The following RBFOX1 variants were observed in gnomAD, a reference collection of about 807,000 sequenced individuals.
RBFOX1 encodes the protein RNA binding fox-1 homolog 1.
In RBFOX1, 8 loss-of-function variants were observed where a neutral mutation model predicts 57.7. The observed-to-expected ratio is 0.14, with a 90% CI of 0.08 to 0.25. The LOEUF (loss-of-function observed/expected upper bound fraction) is 0.25, where lower values mean the gene tolerates loss of function less well. Ranked by LOEUF, RBFOX1 falls within the 10% of genes least tolerant of loss-of-function variation. RBFOX1 has a pLI of 1.00. For synonymous variants in RBFOX1, 326 were observed against 222.4 expected, an observed-to-expected ratio of 1.47 and a Z score of -4.15; for missense variants, 611 against 548.5, an observed-to-expected ratio of 1.11 and a Z score of -1.14.
chr16:7,460,389 A>ATATATATATATATATATGTG lies in RBFOX1; in HGVS notation c.28-57757_28-57756insATATATATATATATATGTGT. Among the ~76,000 whole-genome samples, 309 of 87,116 alleles carry ATATATATATATATATATGTG rather than the reference A, an allele frequency of 3.5e-3. 9 individuals are homozygous for ATATATATATATATATATGTG. The highest frequency in any genetic ancestry group is 0.03 in the East Asian group (70 of 2,330). The allele number at this position is 87,116 out of a possible 152,430, so 57.2% of individuals were successfully genotyped here. On this transcript the variant is annotated intron_variant, in intron 4 of 15. Coordinates refer to ENST00000550418, the MANE Select transcript of RBFOX1 (RefSeq NM_018723.4). ...TAGCAAAATATATATATATATATAT[A>ATATATATATATATATATGTG]TGTGTGTGTGTGTGTGTGTGTGTGT...
intron 1 of RBFOX1, among the ~76,000 whole-genome samples, chr16:6,268,211 C>G (rs757032529): frequency 1.3e-5 from 2 of 152,134 alleles, no homozygotes; most frequent in Non-Finnish European, 2.9e-5. Context: ...CCAATTTGTT[C>G]AAATGCTTTT....
chr16:5,597,007 A>T (rs1011039223), intron 2 of RBFOX1, among the ~76,000 whole-genome samples: 1 of 152,180 alleles, frequency 6.6e-6, no homozygotes, highest in East Asian at 1.9e-4. Context: ...ACCAATGTCT[A>T]CTAGAAAACT....
chr16:7,070,783 C>A (rs528246152), intron 4 of RBFOX1, among the ~76,000 whole-genome samples: 1 of 152,152 alleles, frequency 6.6e-6, no homozygotes, highest in East Asian at 1.9e-4. Context: ...GTTTAGCCAT[C>A]CCCCTTCCCC....
At chr16:6,484,449 G>A (rs1000752670) in intron 2 of RBFOX1, among the ~76,000 whole-genome samples, 1 of 151,760 alleles carries the variant, frequency 6.6e-6, no homozygotes, top group Non-Finnish European at 1.5e-5. Context: ...AATAAGCTCT[G>A]TACCATTTTA....
At position 6,903,441 on chromosome 16, in the gene RBFOX1, C is replaced by T. The variant is rs185355832; in HGVS notation, c.-15-148616C>T. ...TTGACGAAAGATCCGTGAAGTCTGC[C>T]ATCATTGCTTATCTGTCTTTGAATT... On this transcript the variant is annotated intron_variant, in intron 3 of 15. Coordinates refer to ENST00000550418, the MANE Select transcript of RBFOX1 (RefSeq NM_018723.4). Among the ~76,000 whole-genome samples the T allele has an allele frequency of 3.9e-5, 6 of 152,272 alleles. No individual in the cohort carries two copies. The East Asian group carries it at 9.7e-4, about 25-fold the overall frequency.
intron 2 of RBFOX1, among the ~76,000 whole-genome samples, chr16:6,508,157 A>G (rs2096157334): frequency 1.3e-5 from 2 of 152,204 alleles, no homozygotes; most frequent in Admixed American, 1.3e-4. Context: ...AGTGAGAGCT[A>G]AATGATGAGA....
At chr16:5,851,975 T>C (rs1194735154) in intron 3 of RBFOX1, among the ~76,000 whole-genome samples, 1 of 152,132 alleles carries the variant, frequency 6.6e-6, no homozygotes, top group Non-Finnish European at 1.5e-5. Flanking sequence ...TTACGAGCCA[T>C]ATGAGTTAGG....
intron 1 of RBFOX1, among the ~76,000 whole-genome samples, chr16:5,327,573 G>C (rs566233348): frequency 1.3e-5 from 2 of 151,976 alleles, no homozygotes; most frequent in African/African-American, 4.8e-5. Flanking sequence ...AGAGAGAAAC[G>C]CCCCAATCTG....
At chr16:5,852,638 T>C (rs564249875) in intron 3 of RBFOX1, among the ~76,000 whole-genome samples, 1 of 151,482 alleles carries the variant, frequency 6.6e-6, no homozygotes, top group Non-Finnish European at 1.5e-5. Context: ...TGGCTAGGGG[T>C]GGAGGGGGGT....
At chr16:7,087,719 C>A (rs1240325133) in intron 4 of RBFOX1, among the ~76,000 whole-genome samples, 1 of 152,096 alleles carries the variant, frequency 6.6e-6, no homozygotes, top group Non-Finnish European at 1.5e-5. Context: ...AGAAGAGGGT[C>A]TCTAAGGACT....
chr16:6,413,896 T>C (rs1001526334), intron 2 of RBFOX1, among the ~76,000 whole-genome samples: 3 of 152,190 alleles, frequency 2.0e-5, no homozygotes, highest in South Asian at 2.1e-4. Context: ...AGAGGAACTC[T>C]TAGCGAGGTT....
At chr16:5,557,417 C>G (rs1305980016) in intron 2 of RBFOX1, among the ~76,000 whole-genome samples, 1 of 151,642 alleles carries the variant, frequency 6.6e-6, no homozygotes, top group African/African-American at 2.4e-5. Flanking sequence ...CCATATGAAG[C>G]TTATAGAGAG....
In RBFOX1 at chr16:5,906,063, C is replaced by G. The variant is rs140311708; in HGVS notation, c.351+38728C>G. On this transcript the variant is annotated intron_variant, in intron 4 of 19. Coordinates refer to the RBFOX1 transcript ENST00000641259. ...GGCTGTGAGTGGGGGTAGTCGCTGCCCATGTGCCCTGCTTGTTATGTTCTT... is the reference window on the plus strand; with the variant it reads ...GGCTGTGAGTGGGGGTAGTCGCTGCGCATGTGCCCTGCTTGTTATGTTCTT... Among the ~76,000 whole-genome samples, 79 of 152,174 alleles carry G rather than the reference C, an allele frequency of 5.2e-4. 1 individual carries two copies. Among genetic ancestry groups the G allele is most frequent in the Non-Finnish European group, 1.1e-3 (73 of 68,012 alleles).
At chr16:6,041,041 A>G (rs1340457530) in intron 1 of RBFOX1, among the ~76,000 whole-genome samples, 1 of 152,172 alleles carries the variant, frequency 6.6e-6, no homozygotes, top group Non-Finnish European at 1.5e-5. Flanking sequence ...AATGTTACCC[A>G]TCCACCATTA....
At position 5,612,707 on chromosome 16, in the gene RBFOX1, T is replaced by C. The variant is rs1042575956; in HGVS notation, c.318+13746T>C. 1.3e-5 allele frequency among the ~76,000 whole-genome samples: 2 copies of C among 151,182 alleles called. 1 individual carries two copies. The highest frequency in any genetic ancestry group is 1.3e-4 in the Admixed American group (2 of 15,192). On this transcript the variant is annotated intron_variant, in intron 3 of 19. Coordinates refer to the RBFOX1 transcript ENST00000641259. Reference sequence around the variant, plus strand: ...TGCAAAGGCCCTGTGGCCAGAGGAGTTTTAGGAACTGCTAAAAGATAGCCA... The same window carrying C: ...TGCAAAGGCCCTGTGGCCAGAGGAGCTTTAGGAACTGCTAAAAGATAGCCA...
At chr16:6,454,651 C>T (rs985935938) in intron 2 of RBFOX1, among the ~76,000 whole-genome samples, 1 of 152,092 alleles carries the variant, frequency 6.6e-6, no homozygotes, top group South Asian at 2.1e-4. Flanking sequence ...ATACTTAAAA[C>T]CAGCACTTCA....
At chr16:7,515,260 GT>G (rs34629697) in intron 4 of RBFOX1, among the ~76,000 whole-genome samples, 120,805 of 148,102 alleles carry the variant, frequency 0.82, 49,234 homozygotes, top group East Asian at 0.83. Context: ...AACAGCAGAA[GT>G]TTTTTTTTTT....
intron 3 of RBFOX1, among the ~76,000 whole-genome samples, chr16:6,738,798 A>T (rs1438837329): frequency 6.6e-6 from 1 of 152,192 alleles, no homozygotes; most frequent in Non-Finnish European, 1.5e-5. Flanking sequence ...CTCTGACAAC[A>T]GTAGAATCAA....
At chr16:6,053,738 C>T (rs2095581023) in intron 1 of RBFOX1, among the ~76,000 whole-genome samples, 1 of 152,088 alleles carries the variant, frequency 6.6e-6, no homozygotes. Flanking sequence ...TTAGTCTGTG[C>T]CTCACTTGTA....
Sources: gnomAD v4.1 joint callset for allele counts (sites outside exome capture counted in the v4.1 genomes callset) on GRCh38, gnomAD v4.1.1 for gene constraint, MANE v1.5 for transcripts, NCBI Gene and HGNC (gene_info 2026-07-23, HGNC 2026-07-21) for gene names.